Variants in TBL1XR1 observed in about 807,000 individuals in gnomAD.
TBL1XR1 encodes TBL1X/Y related 1.
Under a neutral mutation model 66.9 loss-of-function variants are expected in TBL1XR1, and 5 were observed. The observed-to-expected ratio is 0.07, with a 90% CI of 0.04 to 0.16. The LOEUF (loss-of-function observed/expected upper bound fraction) is 0.16, where lower values mean the gene tolerates loss of function less well. TBL1XR1 is among the 10% of genes least tolerant of loss of function. The pLI, the probability that TBL1XR1 is intolerant of heterozygous loss-of-function variation, is 1.00. For missense variants in TBL1XR1, 238 were observed against 623.2 expected, an observed-to-expected ratio of 0.38 and a Z score of 6.58; for synonymous variants, 210 against 206.0, an observed-to-expected ratio of 1.02 and a Z score of -0.17.
chr3:177,172,840 A>G (rs1169352331), intron 1 of TBL1XR1, among the ~76,000 whole-genome samples: 1 of 152,022 alleles, frequency 6.6e-6, no homozygotes, highest in African/African-American at 2.4e-5. Context: ...GCCTCAAAGC[A>G]TCTCCCCAAA....
chr3:177,099,643 C>T (rs529696438), intron 1 of TBL1XR1, among the ~76,000 whole-genome samples: 296 of 152,314 alleles, frequency 1.9e-3, no homozygotes, highest in Admixed American at 3.6e-3. Context: ...GGCGTGAGCC[C>T]CCAAGGTTTG....
chr3:177,103,750 G>C (rs375180732), intron 1 of TBL1XR1, among the ~76,000 whole-genome samples: 6 of 151,930 alleles, frequency 3.9e-5, no homozygotes, highest in African/African-American at 1.2e-4. Context: ...AGAACCTAGT[G>C]GTCAGTAACA....
At chr3:177,042,111 G>A (rs1437132332) in intron 10 of TBL1XR1, among the ~76,000 whole-genome samples, 1 of 152,078 alleles carries the variant, frequency 6.6e-6, no homozygotes, top group Non-Finnish European at 1.5e-5. Context: ...ACCTAATTCA[G>A]TAACTACTGT....
chr3:177,065,041 T>G lies in TBL1XR1; in HGVS notation c.-45-19A>C. 1 of 1,331,754 alleles carries G rather than the reference T, an allele frequency of 7.5e-7. No homozygotes were observed. The highest frequency in any genetic ancestry group is 9.9e-7 in the Non-Finnish European group (1 of 1,011,126). 82.5% of individuals were successfully genotyped at this position (1,331,754 alleles called of 1,614,324 possible). A position where few individuals can be genotyped will look rare whatever the true frequency, so the allele number is the denominator to read the frequency against. On this transcript the variant is annotated intron_variant, in intron 2 of 15. Coordinates refer to ENST00000457928, the MANE Select transcript of TBL1XR1 (RefSeq NM_024665.7). ...TATAACCCTAAAAATAAAACAAAGTTAATTATTTTCTCAGTAAAATATTTT... is the reference window on the plus strand; with the variant it reads ...TATAACCCTAAAAATAAAACAAAGTGAATTATTTTCTCAGTAAAATATTTT...
At chr3:177,196,790 GA>G (rs1384385953) in intron 1 of TBL1XR1, among the ~76,000 whole-genome samples, 6 of 151,848 alleles carry the variant, frequency 4.0e-5, no homozygotes, top group Admixed American at 3.9e-4. Flanking sequence ...AAGGGAGGAA[GA>G]GGGGGAGAAG....
intron 1 of TBL1XR1, among the ~76,000 whole-genome samples, chr3:177,108,150 G>C (rs1249503741): frequency 6.6e-6 from 1 of 152,044 alleles, no homozygotes; most frequent in Non-Finnish European, 1.5e-5. Flanking sequence ...TAGGTTAAAT[G>C]AGGTAAACAT....
intron 1 of TBL1XR1, among the ~76,000 whole-genome samples, chr3:177,145,353 GTA>G (rs1315279476): frequency 6.6e-6 from 1 of 152,006 alleles, no homozygotes; most frequent in Non-Finnish European, 1.5e-5. Context: ...TTCAGTGACT[GTA>G]TATCTGGCTC....
At chr3:177,150,136 T>C (rs1730711630) in intron 1 of TBL1XR1, among the ~76,000 whole-genome samples, 1 of 152,192 alleles carries the variant, frequency 6.6e-6, no homozygotes, top group Non-Finnish European at 1.5e-5. Flanking sequence ...AAAGGGTTGT[T>C]TTCAGAACAA....
intron 1 of TBL1XR1, among the ~76,000 whole-genome samples, chr3:177,191,024 T>C (rs535951664): frequency 6.6e-6 from 1 of 152,262 alleles, no homozygotes; most frequent in Admixed American, 6.5e-5. Flanking sequence ...GGACTGAAAC[T>C]AGGCTATAAG....
At chr3:177,082,165 T>C (rs1194912583) in intron 2 of TBL1XR1, among the ~76,000 whole-genome samples, 3 of 152,128 alleles carry the variant, frequency 2.0e-5, no homozygotes, top group South Asian at 2.1e-4. Context: ...ACGCACAACA[T>C]AGCACTTTTA....
chr3:177,069,803 A>AGGAAG (rs2108558574), intron 2 of TBL1XR1, among the ~76,000 whole-genome samples: 2 of 113,114 alleles, frequency 1.8e-5, no homozygotes, highest in African/African-American at 6.4e-5. Flanking sequence ...AAAGGAAGGA[A>AGGAAG]GGAAGGAAGG....
chr3:177,050,236 A>T (rs569137421), intron 6 of TBL1XR1, 98 bp from the exon 7 acceptor site: 3 of 1,413,916 alleles, frequency 2.1e-6, no homozygotes, highest in South Asian at 2.8e-5. Flanking sequence ...GGCAAATAAA[A>T]ACGACTATCA....
chr3:177,188,185 C>T (rs1413706983), intron 1 of TBL1XR1, among the ~76,000 whole-genome samples: 6 of 151,978 alleles, frequency 3.9e-5, no homozygotes, highest in African/African-American at 1.4e-4. Flanking sequence ...CCACCTCGGC[C>T]TCCCAAAGTG....
intron 1 of TBL1XR1, among the ~76,000 whole-genome samples, chr3:177,128,651 G>A (rs1269677083): frequency 1.3e-5 from 2 of 152,202 alleles, no homozygotes; most frequent in Non-Finnish European, 2.9e-5. Flanking sequence ...TGGGATTACA[G>A]GCGTGAGCCA....
upstream of TBL1XR1, among the ~76,000 whole-genome samples, chr3:177,201,165 C>G (rs1044854984): frequency 6.6e-6 from 1 of 151,436 alleles, no homozygotes; most frequent in African/African-American, 2.4e-5. Flanking sequence ...GTAATCCCAG[C>G]ACTTTGGGAG....
chr3:177,190,314 T>C (rs1341770460), intron 1 of TBL1XR1, among the ~76,000 whole-genome samples: 1 of 152,074 alleles, frequency 6.6e-6, no homozygotes, highest in Non-Finnish European at 1.5e-5. Flanking sequence ...AAACCATCCA[T>C]TTTCTTTTTT....
At chr3:177,114,308 T>C (rs1726025703) in intron 1 of TBL1XR1, among the ~76,000 whole-genome samples, 1 of 151,324 alleles carries the variant, frequency 6.6e-6, no homozygotes, top group African/African-American at 2.4e-5. Context: ...ATATATATGA[T>C]ATATGATATA....
chr3:177,035,936 T>C (rs1226154980), intron 12 of TBL1XR1, among the ~76,000 whole-genome samples: 2 of 152,170 alleles, frequency 1.3e-5, no homozygotes, highest in Non-Finnish European at 2.9e-5. Context: ...GTCAACACCA[T>C]TAGAGGGTAA....
intron 1 of TBL1XR1, among the ~76,000 whole-genome samples, chr3:177,181,606 G>A (rs1734831699): frequency 1.0e-5 from 1 of 100,110 alleles, no homozygotes; most frequent in Admixed American, 9.8e-5. Context: ...GGAGGAGGTC[G>A]GAAGAACCAA....
Sources: gnomAD v4.1 joint callset for allele counts (sites outside exome capture counted in the v4.1 genomes callset) on GRCh38, gnomAD v4.1.1 for gene constraint, MANE v1.5 for transcripts, NCBI Gene and HGNC (gene_info 2026-07-23, HGNC 2026-07-21) for gene names.